Variants in LRMDA observed in about 807,000 individuals in gnomAD.
LRMDA encodes leucine rich melanocyte differentiation associated.
Under a neutral mutation model 29.8 loss-of-function variants are expected in LRMDA, and 18 were observed. The observed-to-expected ratio is 0.60, with a 90% CI of 0.42 to 0.90. The LOEUF is 0.90. Among genes scored for constraint, LRMDA ranks in the 40% least tolerant of loss-of-function variants. LRMDA has a pLI of 0.00. For missense variants in LRMDA, 273 were observed against 273.9 expected (o/e 1.00, Z 0.02); for synonymous variants, 125 against 109.4 (o/e 1.14, Z -0.89).
intron 5 of LRMDA, among the ~76,000 whole-genome samples, chr10:76,238,884 G>A (rs1451458193): frequency 2.6e-5 from 4 of 152,026 alleles, no homozygotes; most frequent in African/African-American, 9.7e-5. Flanking sequence ...GAAGGACATG[G>A]CTGAGGGTGC....
intron 5 of LRMDA, among the ~76,000 whole-genome samples, chr10:76,111,383 T>C (rs1362585675): frequency 2.6e-5 from 4 of 152,258 alleles, no homozygotes; most frequent in Non-Finnish European, 5.9e-5. Context: ...ATCTACTGAA[T>C]GGAAAAGACT....
At chr10:76,290,739 T>A (rs191647975) in intron 5 of LRMDA, among the ~76,000 whole-genome samples, 1 of 152,212 alleles carries the variant, frequency 6.6e-6, no homozygotes, top group East Asian at 1.9e-4. Context: ...TCTATTCCAA[T>A]GGTGGTGGTT....
At chr10:75,520,688 C>G (rs889114444) in intron 2 of LRMDA, among the ~76,000 whole-genome samples, 1 of 152,192 alleles carries the variant, frequency 6.6e-6, no homozygotes, top group Non-Finnish European at 1.5e-5. Flanking sequence ...TCTGTCAGCT[C>G]GTCAAAGTCA....
chr10:75,574,128 G>A (rs1353072891), intron 2 of LRMDA, among the ~76,000 whole-genome samples: 2 of 152,080 alleles, frequency 1.3e-5, no homozygotes, highest in East Asian at 1.9e-4. Flanking sequence ...CCCATACTGT[G>A]TGAATTCAAA....
chr10:76,439,738 G>A (rs372786065), intron 6 of LRMDA, among the ~76,000 whole-genome samples: 2 of 152,204 alleles, frequency 1.3e-5, no homozygotes, highest in Admixed American at 6.5e-5. Flanking sequence ...GGTGCCAGCA[G>A]GGATGGATGG....
In LRMDA at chr10:75,821,770, A is replaced by AC. The variant is rs200706731; in HGVS notation, c.132-214238_132-214237insC. Among the ~76,000 whole-genome samples the AC allele has an allele frequency of 9.1e-3, 1,163 of 128,222 alleles. 90 individuals carry two copies. The East Asian group carries it at 0.18, about 20-fold the overall frequency. The allele number at this position is 128,222 out of a possible 152,430, so 84.1% of individuals were successfully genotyped here. ...GGCGACAGAGAGAGACTCCATCTCA[A>AC]AAAACAAACAAACAAACAAACAAAC... On this transcript the variant is annotated intron_variant, in intron 2 of 6. Coordinates refer to ENST00000611255, the MANE Select transcript of LRMDA (RefSeq NM_001305581.2).
chr10:75,944,507 T>G (rs919702941), intron 2 of LRMDA, among the ~76,000 whole-genome samples: 1 of 151,836 alleles, frequency 6.6e-6, no homozygotes, highest in African/African-American at 2.4e-5. Flanking sequence ...TTCTGCTCCA[T>G]TCTATTTTTT....
chr10:75,910,767 A>T (rs1425159827), intron 2 of LRMDA, among the ~76,000 whole-genome samples: 2 of 152,198 alleles, frequency 1.3e-5, no homozygotes, highest in Non-Finnish European at 2.9e-5. Flanking sequence ...GGCCAAGTTC[A>T]TCAATCCCTG....
At chr10:75,811,794 C>T (rs1843965786) in intron 2 of LRMDA, among the ~76,000 whole-genome samples, 1 of 152,176 alleles carries the variant, frequency 6.6e-6, no homozygotes. Flanking sequence ...AATCCACTTG[C>T]TGTGTTGGCT....
intron 6 of LRMDA, chr10:76,535,689 TCA>T: frequency 1.3e-5 from 2 of 152,312 alleles, no homozygotes; most frequent in East Asian, 3.9e-4. Flanking sequence ...ATTCTCTACC[TCA>T]GTTCACTGTT....
At chr10:76,107,119 T>C (rs1849499135) in intron 5 of LRMDA, among the ~76,000 whole-genome samples, 2 of 152,192 alleles carry the variant, frequency 1.3e-5, no homozygotes, top group Admixed American at 1.3e-4. Context: ...GGTAGAGGCC[T>C]GCACATGGCT....
intron 6 of LRMDA, among the ~76,000 whole-genome samples, chr10:76,344,212 A>G (rs1457708395): frequency 2.0e-5 from 3 of 152,192 alleles, no homozygotes; most frequent in African/African-American, 7.2e-5. Context: ...TGAATATGCA[A>G]AATCTTTAGA....
chr10:75,584,792 A>G (rs1245849937), intron 2 of LRMDA, among the ~76,000 whole-genome samples: 1 of 152,192 alleles, frequency 6.6e-6, no homozygotes, highest in Admixed American at 6.5e-5. Flanking sequence ...GTGCTTGCTG[A>G]CAGGCGATAA....
chr10:76,325,386 G>A (rs980217457), intron 6 of LRMDA, among the ~76,000 whole-genome samples: 1 of 152,164 alleles, frequency 6.6e-6, no homozygotes, highest in Non-Finnish European at 1.5e-5. Context: ...TGGTGTTTGG[G>A]CATCAATAGA....
chr10:75,540,663 A>C (rs922642982), intron 2 of LRMDA, among the ~76,000 whole-genome samples: 2 of 152,198 alleles, frequency 1.3e-5, no homozygotes, highest in Admixed American at 6.5e-5. Context: ...TCCCTTAGTT[A>C]AATGTGTTCT....
At chr10:76,060,789 G>A (rs1352109604) in intron 5 of LRMDA, among the ~76,000 whole-genome samples, 5 of 152,176 alleles carry the variant, frequency 3.3e-5, no homozygotes, top group Non-Finnish European at 7.4e-5. Context: ...AGTTGTTTCT[G>A]AGTCATTAGC....
intron 5 of LRMDA, among the ~76,000 whole-genome samples, chr10:76,079,940 C>T (rs950075481): frequency 1.4e-4 from 21 of 152,094 alleles, no homozygotes; most frequent in African/African-American, 4.3e-4. Flanking sequence ...CTGGGGTATC[C>T]GTGGTCATTT....
intron 5 of LRMDA, among the ~76,000 whole-genome samples, chr10:76,317,661 C>T (rs1840717397): frequency 6.6e-6 from 1 of 152,182 alleles, no homozygotes; most frequent in Non-Finnish European, 1.5e-5. Context: ...GCAACCTCTG[C>T]CTCCCGGGTT....
At chr10:75,790,085 G>T (rs959366788) in intron 2 of LRMDA, among the ~76,000 whole-genome samples, 1 of 152,084 alleles carries the variant, frequency 6.6e-6, no homozygotes, top group African/African-American at 2.4e-5. Flanking sequence ...CACAATGAAA[G>T]AATTATTTTA....
Sources: allele counts gnomAD v4.1 joint callset (sites outside exome capture counted in the v4.1 genomes callset), GRCh38; gene constraint gnomAD v4.1.1; transcripts MANE v1.5; gene names NCBI Gene and HGNC (gene_info 2026-07-23, HGNC 2026-07-21).